The following CASC3 variants were observed in gnomAD, a reference collection of about 807,000 sequenced individuals.
CASC3 encodes the protein CASC3 exon junction complex subunit, also known as protein CASC3.
In CASC3, 30 loss-of-function variants were observed where a neutral mutation model predicts 80.5. The ratio of observed to expected loss-of-function variants is 0.37; its 90% CI spans 0.28 to 0.51. CASC3 has a LOEUF of 0.51. CASC3 is among the 20% of genes least tolerant of loss of function. CASC3 has a pLI of 0.94. For synonymous variants in CASC3, 312 were observed against 333.6 expected (o/e 0.94, Z 0.70); for missense variants, 824 against 922.2 (o/e 0.89, Z 1.38).
At chr17:40,141,695 C>A in intron 3 of CASC3, 88 bp downstream of exon 3, 2 of 957,512 alleles carry the variant, frequency 2.1e-6, no homozygotes, top group East Asian at 2.4e-5. Flanking sequence ...GTACCATGAC[C>A]TCCGTGTTTA....
chr17:40,142,833 G>A (rs532022231), intron 3 of CASC3, among the ~76,000 whole-genome samples: 46 of 152,142 alleles, frequency 3.0e-4, no homozygotes, highest in African/African-American at 1.0e-3. Context: ...TCCGGGAGGC[G>A]GAGCTTGCAG....
rs773986510 is a variant in CASC3 at position 40,169,210 on chromosome 17, T to C, written c.1966-114T>C. The C allele has an allele frequency of 6.3e-5, 71 of 1,120,956 alleles. No homozygotes were observed. In the Middle Eastern group the frequency reaches 9.1e-4, roughly 14 times the overall value. 69.4% of individuals were successfully genotyped at this position (1,120,956 alleles called of 1,614,324 possible). On this transcript the variant is annotated intron_variant, in intron 11 of 13. Transcript: ENST00000264645. ...TTTTGAAGGGTGGGCAGATTAGATA[T>C]TTTTAAAATTATAAATTCCCCAATT...
chr17:40,162,695 C>T, intron 5 of CASC3, 30 bp from the exon 6 acceptor site: 1 of 1,609,180 alleles, frequency 6.2e-7, no homozygotes, highest in Non-Finnish European at 8.5e-7. Flanking sequence ...ATTCTGCTGA[C>T]CCAAGACACT....
intron 3 of CASC3, among the ~76,000 whole-genome samples, chr17:40,153,894 C>T (rs1435234416): frequency 6.6e-6 from 1 of 152,022 alleles, no homozygotes; most frequent in Non-Finnish European, 1.5e-5. Flanking sequence ...GCTAACATGG[C>T]GAAACCTCGT....
chr17:40,140,767 G>A lies in CASC3; in HGVS notation c.219G>A (p.Glu73=), dbSNP rs1412182660. Reference sequence around the variant, plus strand: ...AGAGCGGGGGCGCCAAGAGTGCTGAGGAGTCGGAGTGTGTGAGTGCGCGCA... The same window carrying A: ...AGAGCGGGGGCGCCAAGAGTGCTGAAGAGTCGGAGTGTGTGAGTGCGCGCA... ...RVESGGAKSA[E]ESECESEDGI... The change falls in exon 1 of 14, where the codon GAG becomes GAA. Residue 73 remains glutamate (E), a synonymous_variant. Transcript: ENST00000264645. 2.7e-5 allele frequency: 40 copies of A among 1,499,516 alleles called. No individual in the cohort carries two copies. The highest frequency in any genetic ancestry group is 9.2e-5 in the Admixed American group (4 of 43,562). The allele number at this position is 1,499,516 out of a possible 1,614,324, so 92.9% of individuals were successfully genotyped here.
chr17:40,146,525 C>T (rs1455191388), intron 3 of CASC3, among the ~76,000 whole-genome samples: 1 of 151,556 alleles, frequency 6.6e-6, no homozygotes, highest in Non-Finnish European at 1.5e-5. Context: ...CAACCTCTGC[C>T]TCCCGGGTTC....
chr17:40,153,026 C>T (rs1438104505), intron 3 of CASC3, among the ~76,000 whole-genome samples: 5 of 152,122 alleles, frequency 3.3e-5, no homozygotes, highest in African/African-American at 2.4e-5. Context: ...CTGCCCACCT[C>T]GGCCTCCCAA....
chr17:40,142,214 G>T (rs1988736078), intron 3 of CASC3, among the ~76,000 whole-genome samples: 1 of 152,180 alleles, frequency 6.6e-6, no homozygotes, highest in Admixed American at 6.5e-5. Flanking sequence ...TTTTAGAACT[G>T]TTACTACATT....
chr17:40,145,636 G>A (rs1988839867), intron 3 of CASC3, among the ~76,000 whole-genome samples: 1 of 151,938 alleles, frequency 6.6e-6, no homozygotes, highest in Non-Finnish European at 1.5e-5. Context: ...TGGGAGGATT[G>A]CTTGAGCCTG....
At chr17:40,140,801 G>A (rs547629691) in intron 1 of CASC3, 22 bp downstream of exon 1, 10 of 1,421,348 alleles carry the variant, frequency 7.0e-6, no homozygotes, top group African/African-American at 1.5e-5. Flanking sequence ...CAGGCGGGGC[G>A]GGGTGGGGAC....
chr17:40,157,112 G>A (rs890387920), intron 3 of CASC3, among the ~76,000 whole-genome samples: 6 of 152,086 alleles, frequency 3.9e-5, no homozygotes, highest in African/African-American at 9.7e-5. Flanking sequence ...TTGGGAGGCC[G>A]AGGCGGGTGG....
At chr17:40,158,711 A>AAG (rs565546661) in intron 3 of CASC3, among the ~76,000 whole-genome samples, 2 of 152,120 alleles carry the variant, frequency 1.3e-5, no homozygotes, top group Non-Finnish European at 2.9e-5. Flanking sequence ...AGATAGTAAA[A>AAG]AGAGAGAGAG....
chr17:40,168,414 A>C lies in CASC3; in HGVS notation c.1962A>C (p.Thr654=), dbSNP rs918909399. The C allele has an allele frequency of 6.2e-7, 1 of 1,612,978 alleles. No individual in the cohort carries two copies. The highest frequency in any genetic ancestry group is 1.3e-5 in the African/African-American group (1 of 74,870). The change falls in exon 11 of 14, where the codon ACA becomes ACC. Residue 654 remains threonine (T), a synonymous_variant. Transcript: ENST00000264645. ...PPPPPHLYPN[T]QAPSQVYGGV... ...CACCGCCTCATCTGTATCCTAATAC[A>C]CAGGTGAGATGGCTAATGATCATGT...
chr17:40,160,419 C>T (rs1989264152), intron 3 of CASC3, among the ~76,000 whole-genome samples: 1 of 151,776 alleles, frequency 6.6e-6, no homozygotes, highest in African/African-American at 2.4e-5. Context: ...CACTTGAGCC[C>T]AGGAGATTGA....
chr17:40,169,630 T>G lies in CASC3; in HGVS notation c.*9T>G. ...GCAGGGGTTCCAGTTAATACAAGTT[T>G]CTGAATATTTTAAATCTTAACATCA... On this transcript the variant is annotated 3_prime_UTR_variant, in exon 13 of 14. Transcript: ENST00000264645. 6.3e-7 allele frequency: 1 copy of G among 1,587,804 alleles called. No individual in the cohort carries two copies. The highest frequency in any genetic ancestry group is 8.6e-7 in the Non-Finnish European group (1 of 1,169,174).
intron 3 of CASC3, among the ~76,000 whole-genome samples, chr17:40,145,209 G>T (rs1045104459): frequency 7.0e-6 from 1 of 143,706 alleles, no homozygotes; most frequent in Non-Finnish European, 1.5e-5. Context: ...GTCTCATTCC[G>T]TTGCCAGGCT....
chr17:40,170,687 G>A lies in CASC3; in HGVS notation c.*282G>A. 1.0e-6 allele frequency: 1 copy of A among 985,584 alleles called. No individual in the cohort carries two copies. Among genetic ancestry groups the A allele is most frequent in the African/African-American group, 1.7e-5 (1 of 57,372 alleles). The allele number at this position is 985,584 out of a possible 1,614,324, so 61.1% of individuals were successfully genotyped here. A position where few individuals can be genotyped will look rare whatever the true frequency, so the allele number is the denominator to read the frequency against. On this transcript the variant is annotated 3_prime_UTR_variant, in exon 14 of 14. Transcript: ENST00000264645. ...GAGCCAGACAGCCCCAAGCTTCTGA[G>A]TCTAGATACAGAAGCCCATGTCTTC...
chr17:40,146,432 CTTTTT>C (rs761549032), intron 3 of CASC3, among the ~76,000 whole-genome samples: 1 of 134,934 alleles, frequency 7.4e-6, no homozygotes, highest in African/African-American at 2.7e-5. Context: ...AGTACGATTT[CTTTTT>C]TTTTTTTTTT....
At chr17:40,154,105 GTT>G (rs548654217) in intron 3 of CASC3, among the ~76,000 whole-genome samples, 2 of 76,758 alleles carry the variant, frequency 2.6e-5, no homozygotes, top group African/African-American at 5.4e-5. Context: ...GATGCTGAGC[GTT>G]TTTTTTTTTT....
Sources: allele counts gnomAD v4.1 joint callset (sites outside exome capture counted in the v4.1 genomes callset), GRCh38; gene constraint gnomAD v4.1.1; transcripts MANE v1.5; gene names NCBI Gene and HGNC (gene_info 2026-07-23, HGNC 2026-07-21).